The following ADAMTS9 variants were observed in gnomAD, a reference collection of about 807,000 sequenced individuals.
ADAMTS9 encodes A disintegrin and metalloproteinase with thrombospondin motifs 9.
Under a neutral mutation model 257.1 loss-of-function variants are expected in ADAMTS9, and 107 were observed. That is an observed-to-expected ratio of 0.42 (90% CI 0.36 to 0.49). The LOEUF is 0.49. Ranked by LOEUF, ADAMTS9 falls within the 20% of genes least tolerant of loss-of-function variation. The pLI is 0.03. For synonymous variants in ADAMTS9, 982 were observed against 880.9 expected (o/e 1.11, Z -2.03); for missense variants, 2,353 against 2,469.1 (o/e 0.95, Z 1.00).
At chr3:64,630,142 A>G (rs1438006925) in intron 16 of ADAMTS9, among the ~76,000 whole-genome samples, 2 of 152,208 alleles carry the variant, frequency 1.3e-5, no homozygotes, top group East Asian at 1.9e-4. Flanking sequence ...GCGGCTGGGA[A>G]GAGTTTTGTG....
At chr3:64,582,268 T>C (rs1284738403) in intron 28 of ADAMTS9, among the ~76,000 whole-genome samples, 1 of 152,156 alleles carries the variant, frequency 6.6e-6, no homozygotes, top group African/African-American at 2.4e-5. Flanking sequence ...GAAAGCCAAG[T>C]TAATGCCACA....
chr3:64,568,468 T>C lies in ADAMTS9; in HGVS notation c.4424A>G (p.His1475Arg), dbSNP rs756981006. 1.1e-5 allele frequency: 18 copies of C among 1,614,034 alleles called. No homozygotes were observed. The highest frequency in any genetic ancestry group is 3.3e-5 in the Admixed American group (2 of 60,002). Residue 1475 changes from histidine (H) to arginine (R), a missense_variant, in exon 29 of 40, where the codon CAT becomes CGT. Coordinates refer to ENST00000498707, the MANE Select transcript of ADAMTS9 (RefSeq NM_182920.2). ...GTGCTTACAGTAATCACTTTCTAAATGGCTTCCATCTTTTGCCATGCAGTA... is the reference window on the plus strand; with the variant it reads ...GTGCTTACAGTAATCACTTTCTAAACGGCTTCCATCTTTTGCCATGCAGTA... The part of the protein sequence containing the change: ...NVYCMAKDGS[H>R]LESDYCKHLA...
At chr3:64,559,706 G>T (rs1437670603) in intron 30 of ADAMTS9, among the ~76,000 whole-genome samples, 1 of 152,236 alleles carries the variant, frequency 6.6e-6, no homozygotes, top group African/African-American at 2.4e-5. Flanking sequence ...TGCATGATCA[G>T]AGAAGAGGAA....
chr3:64,648,547 A>G (rs1240383567), intron 10 of ADAMTS9, among the ~76,000 whole-genome samples: 1 of 152,238 alleles, frequency 6.6e-6, no homozygotes, highest in Non-Finnish European at 1.5e-5. Context: ...ATTTCAGGGC[A>G]CAATTTTAAA....
chr3:64,583,882 C>T (rs985703164), intron 28 of ADAMTS9: 1 of 152,148 alleles, frequency 6.6e-6, no homozygotes. Flanking sequence ...CTATAGAAAA[C>T]GTGCCGTGTA....
chr3:64,582,247 T>C (rs1043263508), intron 28 of ADAMTS9, among the ~76,000 whole-genome samples: 1 of 152,076 alleles, frequency 6.6e-6, no homozygotes, highest in Admixed American at 6.6e-5. Flanking sequence ...TCCCCAGAAG[T>C]TCATGTATAG....
At chr3:64,552,124 G>A (rs766365880) in intron 30 of ADAMTS9, among the ~76,000 whole-genome samples, 17 of 152,146 alleles carry the variant, frequency 1.1e-4, no homozygotes, top group Non-Finnish European at 1.6e-4. Context: ...CTGTAATTCC[G>A]TTTTCCAGAT....
At chr3:64,624,005 G>A (rs1700168447) in intron 16 of ADAMTS9, among the ~76,000 whole-genome samples, 1 of 151,726 alleles carries the variant, frequency 6.6e-6, no homozygotes, top group African/African-American at 2.4e-5. Context: ...GACCAGTTAT[G>A]GAATCTAAAA....
In ADAMTS9 at chr3:64,561,653, G is replaced by C. The variant is rs2083425179; in HGVS notation, c.4623C>G (p.Thr1541=). ...IARETECNPY[T]RPESERDCQG... ...GGCAGTCGCGTTCCGACTCCGGTCT[G>C]GTGTATGGGTTGCACTCGGTCTCTC... The change falls in exon 30 of 40, where the codon ACC becomes ACG. Residue 1541 remains threonine, a synonymous_variant. Transcript: ENST00000498707. The C allele has an allele frequency of 6.2e-7, 1 of 1,613,968 alleles. No individual in the cohort carries two copies. The highest frequency in any genetic ancestry group is 8.5e-7 in the Non-Finnish European group (1 of 1,180,010).
chr3:64,587,924 C>T (rs1559779128), intron 28 of ADAMTS9: 2 of 152,128 alleles, frequency 1.3e-5, no homozygotes, highest in Admixed American at 1.3e-4. Context: ...AACTCTCCAC[C>T]TTGTGTGGAG....
intron 14 of ADAMTS9, 37 bp from the exon 15 acceptor site, chr3:64,631,962 T>G (rs776192769): frequency 6.9e-7 from 1 of 1,452,780 alleles, no homozygotes; most frequent in South Asian, 1.2e-5. Context: ...AATGTAAGCA[T>G]TATAGAGATT....
At chr3:64,681,107 C>A in intron 3 of ADAMTS9, 94 bp downstream of exon 3, 3 of 1,403,028 alleles carry the variant, frequency 2.1e-6, no homozygotes, top group Non-Finnish European at 2.9e-6. Context: ...CATATGGTTG[C>A]ACTTTGTAGA....
At chr3:64,647,072 T>C (rs1700813380) in intron 11 of ADAMTS9, among the ~76,000 whole-genome samples, 1 of 151,864 alleles carries the variant, frequency 6.6e-6, no homozygotes, top group African/African-American at 2.4e-5. Context: ...TAAAAGTAAG[T>C]AAAGTGGACA....
At chr3:64,659,864 T>G (rs1701183318) in intron 3 of ADAMTS9, among the ~76,000 whole-genome samples, 1 of 152,012 alleles carries the variant, frequency 6.6e-6, no homozygotes, top group Non-Finnish European at 1.5e-5. Flanking sequence ...CCAGCAAAAT[T>G]GACAATTAGA....
chr3:64,603,130 A>T (rs1344727593), intron 25 of ADAMTS9, among the ~76,000 whole-genome samples: 1 of 152,182 alleles, frequency 6.6e-6, no homozygotes, highest in East Asian at 1.9e-4. Context: ...ACAGCCCTGT[A>T]AAGTAGTATT....
intron 3 of ADAMTS9, among the ~76,000 whole-genome samples, chr3:64,666,962 C>G (rs1277869106): frequency 1.3e-5 from 2 of 152,190 alleles, no homozygotes; most frequent in Non-Finnish European, 2.9e-5. Flanking sequence ...GCATATGCAA[C>G]ATAGGGATAC....
intron 16 of ADAMTS9, among the ~76,000 whole-genome samples, chr3:64,625,288 G>A (rs573777717): frequency 8.5e-5 from 13 of 152,128 alleles, no homozygotes; most frequent in African/African-American, 3.1e-4. Context: ...AGATGTCTTA[G>A]GTATTAGCTA....
intron 11 of ADAMTS9, among the ~76,000 whole-genome samples, chr3:64,643,517 A>G (rs1576153880): frequency 7.5e-6 from 1 of 133,588 alleles, no homozygotes; most frequent in East Asian, 2.1e-4. Flanking sequence ...CAGTGGTGCA[A>G]TCATGGCTCA....
chr3:64,634,183 C>G (rs928683482), intron 12 of ADAMTS9, among the ~76,000 whole-genome samples: 4 of 152,042 alleles, frequency 2.6e-5, no homozygotes, highest in Non-Finnish European at 5.9e-5. Context: ...ATATGAGATG[C>G]GAAGCCTGAA....
Sources: allele counts gnomAD v4.1 joint callset (sites outside exome capture counted in the v4.1 genomes callset), GRCh38; gene constraint gnomAD v4.1.1; transcripts MANE v1.5; gene names NCBI Gene and HGNC (gene_info 2026-07-23, HGNC 2026-07-21).